The following CLPX variants were observed in gnomAD, a reference collection of about 807,000 sequenced individuals.
The protein encoded by CLPX is caseinolytic mitochondrial matrix peptidase chaperone subunit X, also known as ATP-dependent clpX-like chaperone, mitochondrial.
A neutral mutation model predicts 76.4 loss-of-function variants in CLPX; 34 were observed. The observed-to-expected ratio is 0.45, with a 90% CI of 0.34 to 0.59. The LOEUF (loss-of-function observed/expected upper bound fraction) is 0.59, where lower values mean the gene tolerates loss of function less well. CLPX is among the 20% of genes least tolerant of loss of function. The pLI is 0.01. For synonymous variants in CLPX, 248 were observed against 270.9 expected (o/e 0.92, Z 0.83); for missense variants, 613 against 757.0 (o/e 0.81, Z 2.23).
chr15:65,177,327 C>T (rs1189887845), intron 3 of CLPX, among the ~76,000 whole-genome samples: 1 of 152,180 alleles, frequency 6.6e-6, no homozygotes, highest in Non-Finnish European at 1.5e-5. Flanking sequence ...CCTCGGCCTC[C>T]CAAAGTCCTG....
intron 3 of CLPX, among the ~76,000 whole-genome samples, chr15:65,173,320 T>G (rs2088037761): frequency 7.5e-6 from 1 of 133,726 alleles, no homozygotes; most frequent in Non-Finnish European, 1.5e-5. Flanking sequence ...TGAGCCGAGA[T>G]AGTGCCACCG....
intron 6 of CLPX, among the ~76,000 whole-genome samples, chr15:65,160,406 G>A (rs531473388): frequency 2.5e-4 from 38 of 152,236 alleles, no homozygotes; most frequent in African/African-American, 9.1e-4. Context: ...AGAAAACTCA[G>A]TCTGCTGTAT....
chr15:65,165,020 A>G (rs2087892000), intron 4 of CLPX, among the ~76,000 whole-genome samples: 1 of 152,004 alleles, frequency 6.6e-6, no homozygotes, highest in South Asian at 2.1e-4. Flanking sequence ...GTGAATAGAA[A>G]TGAAATGGTT....
chr15:65,179,095 G>GTT (rs1415563202), intron 2 of CLPX, 44 bp from the exon 3 acceptor site: 1 of 1,169,474 alleles, frequency 8.6e-7, no homozygotes, highest in Admixed American at 1.8e-5. Flanking sequence ...TCAATTATTA[G>GTT]TTTCAGGCAA....
At chr15:65,151,035 G>A in intron 13 of CLPX, 122 bp from the exon 14 acceptor site, 1 of 633,174 alleles carries the variant, frequency 1.6e-6, no homozygotes, top group Non-Finnish European at 2.7e-6. Flanking sequence ...GAAAATATTA[G>A]GAGCACTTTT....
At chr15:65,159,816 T>C (rs537758912) in intron 6 of CLPX, among the ~76,000 whole-genome samples, 12 of 151,648 alleles carry the variant, frequency 7.9e-5, no homozygotes, top group East Asian at 1.9e-4. Flanking sequence ...CTTTTCTTTT[T>C]TTTTTTTTTA....
At chr15:65,164,433 A>C (rs528527871) in intron 4 of CLPX, among the ~76,000 whole-genome samples, 1 of 152,320 alleles carries the variant, frequency 6.6e-6, no homozygotes, top group East Asian at 1.9e-4. Flanking sequence ...TGTTGTGCTA[A>C]TTTCTATTCT....
chr15:65,166,489 A>T, intron 4 of CLPX, 142 bp downstream of exon 4: 1 of 857,242 alleles, frequency 1.2e-6, no homozygotes, highest in Non-Finnish European at 1.8e-6. Flanking sequence ...GGCAATAACA[A>T]TTTAGCCACA....
intron 6 of CLPX, 122 bp from the exon 7 acceptor site, chr15:65,158,873 C>G (rs1391740332): frequency 1.3e-6 from 1 of 756,404 alleles, no homozygotes; most frequent in Non-Finnish European, 2.0e-6. Flanking sequence ...TTTTGACATT[C>G]TGTCTTACCT....
intron 5 of CLPX, among the ~76,000 whole-genome samples, chr15:65,163,691 T>C (rs2087877947): frequency 6.6e-6 from 1 of 152,160 alleles, no homozygotes; most frequent in Non-Finnish European, 1.5e-5. Context: ...TTTCCCATGC[T>C]GGCCAGGCAG....
intron 3 of CLPX, among the ~76,000 whole-genome samples, chr15:65,167,752 G>A (rs2087936441): frequency 6.6e-6 from 1 of 151,546 alleles, no homozygotes; most frequent in African/African-American, 2.4e-5. Flanking sequence ...GCTGGGCGTG[G>A]TGGCAGACAC....
chr15:65,166,566 G>C, intron 4 of CLPX, 65 bp downstream of exon 4: 10 of 1,521,814 alleles, frequency 6.6e-6, no homozygotes, highest in Non-Finnish European at 9.1e-6. Flanking sequence ...TGTAAACTTG[G>C]GAGAGGGAAG....
At chr15:65,152,749 C>T (rs576117971) in intron 12 of CLPX, among the ~76,000 whole-genome samples, 2 of 150,942 alleles carry the variant, frequency 1.3e-5, no homozygotes, top group Admixed American at 6.6e-5. Flanking sequence ...GCGTAAGCCA[C>T]CAAATCTGGC....
chr15:65,172,268 A>C (rs1463572574), intron 3 of CLPX, among the ~76,000 whole-genome samples: 1 of 152,150 alleles, frequency 6.6e-6, no homozygotes, highest in African/African-American at 2.4e-5. Flanking sequence ...TGGCCAATGC[A>C]TTTTTACTCC....
intron 1 of CLPX, among the ~76,000 whole-genome samples, chr15:65,183,123 T>G (rs533690563): frequency 6.7e-6 from 1 of 148,750 alleles, no homozygotes; most frequent in South Asian, 2.2e-4. Flanking sequence ...GAGATCGCGC[T>G]ACTGCACTCC....
rs776539066 is a variant in CLPX at position 65,158,552 on chromosome 15, A to C, written c.892+23T>G. ...ATTCTGATTTTTAAAATGAGTAGTA[A>C]ATTTTCTCAGCAAGTTATTTACCTG... is the stretch of plus-strand genomic sequence containing the variant. On this transcript the variant is annotated intron_variant, in intron 7 of 13. Coordinates refer to ENST00000300107, the MANE Select transcript of CLPX (RefSeq NM_006660.5). 1.9e-6 allele frequency: 3 copies of C among 1,586,574 alleles called. No homozygotes were observed. The South Asian group carries it at 3.4e-5, about 18-fold the overall frequency.
Position 65,170,472 on chromosome 15 carries a change from A to G in CLPX, c.359-3687T>C, listed in dbSNP as rs1411819409. Among the ~76,000 whole-genome samples, 4 of 152,162 alleles carry G rather than the reference A, an allele frequency of 2.6e-5. No individual in the cohort carries two copies. The South Asian group carries it at 8.3e-4, about 32-fold the overall frequency. On this transcript the variant is annotated intron_variant, in intron 3 of 13. Transcript: ENST00000300107. Reference sequence around the variant, plus strand: ...AAAAGTAGACAATTCCATATTAAAAAAACAACTTTAGGCTGAGCGGGGTGG... The same window carrying G: ...AAAAGTAGACAATTCCATATTAAAAGAACAACTTTAGGCTGAGCGGGGTGG...
chr15:65,156,677 A>C, intron 9 of CLPX, 167 bp downstream of exon 9: 1 of 424,332 alleles, frequency 2.4e-6, no homozygotes. Context: ...TCAAATTGTC[A>C]ACAACTTTCT....
chr15:65,155,950 G>GAAT, intron 9 of CLPX, 94 bp from the exon 10 acceptor site: 2 of 1,104,492 alleles, frequency 1.8e-6, no homozygotes, highest in Non-Finnish European at 2.7e-6. Flanking sequence ...AACAATATGT[G>GAAT]ATTATAGTCA....
Sources: gnomAD v4.1 joint callset for allele counts (sites outside exome capture counted in the v4.1 genomes callset) on GRCh38, gnomAD v4.1.1 for gene constraint, MANE v1.5 for transcripts, NCBI Gene and HGNC (gene_info 2026-07-23, HGNC 2026-07-21) for gene names.